Variants in DMD observed in about 807,000 individuals in gnomAD.
DMD encodes mutant dystrophin.
Under a neutral mutation model 330.1 loss-of-function variants are expected in DMD, and 63 were observed. That is an observed-to-expected ratio of 0.19 (90% CI 0.16 to 0.24). The LOEUF (loss-of-function observed/expected upper bound fraction) is 0.24, where lower values mean the gene tolerates loss of function less well. DMD is among the 10% of genes least tolerant of loss of function. DMD has a pLI of 1.00. For synonymous variants in DMD, 1,223 were observed against 959.8 expected (o/e 1.27, Z -5.07); for missense variants, 3,344 against 2,684.1 (o/e 1.25, Z -5.43).
chrX:31,600,519 T>TTTG (rs1342408032), intron 55 of DMD, among the ~76,000 whole-genome samples: 8 of 100,478 alleles, frequency 8.0e-5, no homozygotes, highest in Admixed American at 5.3e-4. Flanking sequence ...GGTTTTTTTT[T>TTTG]TTTTTTTTTT....
chrX:32,861,377 T>C lies in DMD; in HGVS notation c.94-11557A>G, dbSNP rs148325818. The stretch of plus-strand genomic sequence containing the variant: ...CTGGTATGGTACCTAGCATAGAAAA[T>C]GCTCAATAAAAACATTAAATAAATT... On this transcript the variant is annotated intron_variant, in intron 2 of 78. Coordinates refer to ENST00000357033, the MANE Select transcript of DMD (RefSeq NM_004006.3). 8.4e-3 allele frequency among the ~76,000 whole-genome samples: 926 copies of C among 110,769 alleles called. 8 individuals are homozygous for C. Among genetic ancestry groups the C allele is most frequent in the East Asian group, 0.052 (183 of 3,550 alleles).
intron 11 of DMD, among the ~76,000 whole-genome samples, chrX:32,624,540 T>C (rs1187927527): frequency 5.4e-5 from 6 of 111,690 alleles, no homozygotes; most frequent in African/African-American, 1.6e-4. Context: ...TGCCCAGTGT[T>C]TCTCAAACTT....
intron 62 of DMD, among the ~76,000 whole-genome samples, chrX:31,292,659 A>G (rs1041641324): frequency 1.8e-5 from 2 of 111,902 alleles, no homozygotes; most frequent in African/African-American, 6.5e-5. Context: ...GCATTAAAGA[A>G]TGTTCATAGG....
At chrX:32,981,563 G>A (rs1350784235) in intron 2 of DMD, among the ~76,000 whole-genome samples, 1 of 111,294 alleles carries the variant, frequency 9.0e-6, no homozygotes, top group African/African-American at 3.3e-5. Context: ...TAATCCCCTA[G>A]CATTTGCAAG....
At chrX:32,885,800 G>A (rs2149228517) in intron 2 of DMD, among the ~76,000 whole-genome samples, 1 of 90,008 alleles carries the variant, frequency 1.1e-5, no homozygotes, top group African/African-American at 4.2e-5. Flanking sequence ...TGCCTGGGCA[G>A]TCTCCGTAAT....
intron 30 of DMD, among the ~76,000 whole-genome samples, chrX:32,410,202 T>A (rs7877156): frequency 0.011 from 1,268 of 111,285 alleles, 23 homozygotes; most frequent in African/African-American, 0.039. Context: ...TTTACTATTA[T>A]CCCTCACTTC....
rs149584654 is a variant in DMD at position 31,579,801 on chromosome X, C to T, written c.8217+47872G>A. On this transcript the variant is annotated intron_variant, in intron 55 of 78. Transcript: ENST00000357033. ...GACAATTTTCCATAAACTTACTGGCCTAAAACAACACAAATTGATTATCTT... is the reference window on the plus strand; with the variant it reads ...GACAATTTTCCATAAACTTACTGGCTTAAAACAACACAAATTGATTATCTT... Among the ~76,000 whole-genome samples, 85 of 112,228 alleles carry T rather than the reference C, an allele frequency of 7.6e-4. No individual in the cohort carries two copies. In the East Asian group the frequency reaches 0.023, roughly 30 times the overall value.
In DMD at chrX:32,200,548, ACAAT is replaced by A. The variant is rs372475102; in HGVS notation, c.6438+16364_6438+16367del. Among the ~76,000 whole-genome samples, 666 of 111,702 alleles carry A rather than the reference ACAAT, an allele frequency of 6.0e-3. 7 individuals are homozygous for A. The highest frequency in any genetic ancestry group is 0.021 in the African/African-American group (638 of 30,784). ...TAACGTGTTTTACATGTCACATGTA[ACAAT>A]CAATTTCACATGTAACATCAGTTAC... On this transcript the variant is annotated intron_variant, in intron 44 of 78. Coordinates refer to ENST00000357033, the MANE Select transcript of DMD (RefSeq NM_004006.3).
intron 1 of DMD, among the ~76,000 whole-genome samples, chrX:33,131,592 A>G (rs1372292465): frequency 8.9e-6 from 1 of 111,893 alleles, no homozygotes; most frequent in Non-Finnish European, 1.9e-5. Flanking sequence ...TGCTCCTTCA[A>G]ATCAATCAGA....
At chrX:31,447,937 G>A (rs1279235832) in intron 59 of DMD, among the ~76,000 whole-genome samples, 1 of 105,413 alleles carries the variant, frequency 9.5e-6, no homozygotes, top group Admixed American at 1.0e-4. Flanking sequence ...AACCTGGGAG[G>A]TGGAGGTTGC....
At chrX:32,552,742 T>C (rs1205179242) in intron 16 of DMD, among the ~76,000 whole-genome samples, 3 of 111,572 alleles carry the variant, frequency 2.7e-5, no homozygotes, top group Non-Finnish European at 5.7e-5. Flanking sequence ...AACATCACCA[T>C]TAAAAAGTGG....
chrX:32,475,112 T>C (rs1168605497), intron 21 of DMD, among the ~76,000 whole-genome samples: 1 of 110,939 alleles, frequency 9.0e-6, no homozygotes, highest in Non-Finnish European at 1.9e-5. Context: ...ATGAAAAGGG[T>C]GTCCTTTCTT....
At chrX:32,158,306 GA>G (rs1471039389) in intron 44 of DMD, among the ~76,000 whole-genome samples, 1 of 111,502 alleles carries the variant, frequency 9.0e-6, no homozygotes, top group Non-Finnish European at 1.9e-5. Flanking sequence ...GCTGAGGTGG[GA>G]GGATCATTTG....
At chrX:31,453,765 C>CAAAAAAAAAAAAAAAAAAAA (rs760511403) in intron 59 of DMD, among the ~76,000 whole-genome samples, 2 of 8,978 alleles carry the variant, frequency 2.2e-4, no homozygotes, top group African/African-American at 5.0e-4. Context: ...AAAAAACAAG[C>CAAAAAAAAAAAAAAAAAAAA]AAAAAAAAAA....
chrX:31,839,405 G>A lies in DMD; in HGVS notation c.7099-2586C>T, dbSNP rs191923349. ...TACTGTTGCAACTTTGAGCCTATGGGAATTGAGTTAAGAGTGTGTATTACT... is the reference window on the plus strand; with the variant it reads ...TACTGTTGCAACTTTGAGCCTATGGAAATTGAGTTAAGAGTGTGTATTACT... On this transcript the variant is annotated intron_variant, in intron 48 of 78. Transcript: ENST00000357033. 4.6e-4 allele frequency among the ~76,000 whole-genome samples: 52 copies of A among 111,957 alleles called. 1 individual carries two copies. Among genetic ancestry groups the A allele is most frequent in the Admixed American group, 2.5e-3 (26 of 10,515 alleles).
chrX:32,921,399 G>A (rs1195842796), intron 2 of DMD, among the ~76,000 whole-genome samples: 1 of 111,933 alleles, frequency 8.9e-6, no homozygotes, highest in African/African-American at 3.2e-5. Flanking sequence ...GTAGATAAGT[G>A]CAAACTAAAA....
At chrX:32,586,179 T>C (rs899458065) in intron 13 of DMD, among the ~76,000 whole-genome samples, 1 of 110,876 alleles carries the variant, frequency 9.0e-6, no homozygotes, top group Admixed American at 9.7e-5. Context: ...AAATAAAAAA[T>C]CCAGTTCCTC....
chrX:31,785,426 G>A (rs2091246042), intron 50 of DMD, among the ~76,000 whole-genome samples: 1 of 112,062 alleles, frequency 8.9e-6, no homozygotes, highest in Non-Finnish European at 1.9e-5. Flanking sequence ...AGCTGGCAAA[G>A]TTTGTATTAT....
chrX:31,815,449 C>CAAAAAAAA lies in DMD; in HGVS notation c.7309+4518_7309+4525dup, dbSNP rs772005297. Among the ~76,000 whole-genome samples the CAAAAAAAA allele has an allele frequency of 6.1e-5, 6 of 97,683 alleles. 1 individual carries two copies. Among genetic ancestry groups the CAAAAAAAA allele is most frequent in the Non-Finnish European group, 4.1e-5 (2 of 48,543 alleles). 84.8% of individuals were successfully genotyped at this position (97,683 alleles called of 115,157 possible). A position where few individuals can be genotyped will look rare whatever the true frequency, so the allele number is the denominator to read the frequency against. ...TGGGTGACAGAGCAAGACTCAGTCT[C>CAAAAAAAA]AAAAAAAAAGAGAGAGAGAGAGATG... On this transcript the variant is annotated intron_variant, in intron 50 of 78. Coordinates refer to ENST00000357033, the MANE Select transcript of DMD (RefSeq NM_004006.3).
Sources: gnomAD v4.1 joint callset for allele counts (sites outside exome capture counted in the v4.1 genomes callset) on GRCh38, gnomAD v4.1.1 for gene constraint, MANE v1.5 for transcripts, NCBI Gene and HGNC (gene_info 2026-07-23, HGNC 2026-07-21) for gene names.